Variants in CACNA1E observed in about 807,000 individuals in gnomAD.
CACNA1E encodes the protein calcium voltage-gated channel subunit alpha1 E, also known as voltage-dependent R-type calcium channel subunit alpha-1E.
In CACNA1E, 40 loss-of-function variants were observed where a neutral mutation model predicts 259.2. The ratio of observed to expected loss-of-function variants is 0.15; its 90% CI spans 0.12 to 0.20. The LOEUF (loss-of-function observed/expected upper bound fraction) is 0.20. Among genes scored for constraint, CACNA1E ranks in the 10% least tolerant of loss-of-function variants. The probability of loss-of-function intolerance (pLI) is 1.00; values close to 1 mark genes in which losing one functional copy is unlikely to be tolerated. For missense variants in CACNA1E, 1,874 were observed against 3,040.1 expected (o/e 0.62, Z 9.02); for synonymous variants, 1,104 against 1,138.5 (o/e 0.97, Z 0.61).
chr1:181,483,501 C>T (rs886526815), upstream of CACNA1E: 25 of 210,836 alleles, frequency 1.2e-4, no homozygotes, highest in African/African-American at 3.0e-4. Context: ...TTTCTTTTTT[C>T]TTTTTTTTTT....
chr1:181,695,331 C>T (rs1398343510), intron 7 of CACNA1E, among the ~76,000 whole-genome samples: 1 of 151,892 alleles, frequency 6.6e-6, no homozygotes, highest in Non-Finnish European at 1.5e-5. Context: ...AAATAAAATC[C>T]CCATCAAAAT....
chr1:181,737,101 A>T (rs1656114313), intron 22 of CACNA1E, among the ~76,000 whole-genome samples: 1 of 152,240 alleles, frequency 6.6e-6, no homozygotes. Flanking sequence ...ATGAAAACTC[A>T]TTACTGCTTT....
At chr1:181,610,425 T>C (rs1654647598) in intron 6 of CACNA1E, among the ~76,000 whole-genome samples, 1 of 152,224 alleles carries the variant, frequency 6.6e-6, no homozygotes, top group African/African-American at 2.4e-5. Flanking sequence ...TGTCTTTGTC[T>C]GCAGCACTTT....
intron 14 of CACNA1E, among the ~76,000 whole-genome samples, 154 bp from the exon 15 acceptor site, chr1:181,720,629 G>A (rs905293640): frequency 1.3e-5 from 2 of 152,172 alleles, no homozygotes; most frequent in African/African-American, 4.8e-5. Flanking sequence ...CACTGTTACA[G>A]TCTTTGTAAG....
intron 2 of CACNA1E, among the ~76,000 whole-genome samples, chr1:181,437,069 G>A (rs898590335): frequency 2.0e-5 from 3 of 151,994 alleles, no homozygotes; most frequent in South Asian, 2.1e-4. Context: ...ACCAAGAGCC[G>A]TCAATAACTG....
intron 6 of CACNA1E, among the ~76,000 whole-genome samples, chr1:181,650,519 A>C (rs1008802199): frequency 1.3e-5 from 2 of 152,090 alleles, no homozygotes; most frequent in Non-Finnish European, 2.9e-5. Flanking sequence ...AAGACTGAGA[A>C]CCCTTAGTTG....
intron 3 of CACNA1E, among the ~76,000 whole-genome samples, chr1:181,550,013 C>T (rs1054830283): frequency 2.0e-5 from 3 of 152,106 alleles, no homozygotes. Flanking sequence ...GCCTTGGAAT[C>T]TTGCCATGGT....
At chr1:181,753,435 C>A (rs573420745) in intron 27 of CACNA1E, among the ~76,000 whole-genome samples, 2 of 152,332 alleles carry the variant, frequency 1.3e-5, no homozygotes, top group Admixed American at 6.5e-5. Context: ...GTGCGAGGCT[C>A]AGCTCTAGGA....
rs191213314 is a variant in CACNA1E at position 181,518,927 on chromosome 1, G to T, written c.512+7417G>T. 1.1e-4 allele frequency among the ~76,000 whole-genome samples: 16 copies of T among 152,240 alleles called. No individual in the cohort carries two copies. The East Asian group carries it at 3.1e-3, about 29-fold the overall frequency. On this transcript the variant is annotated intron_variant, in intron 3 of 47. Coordinates refer to ENST00000367573, the MANE Select transcript of CACNA1E (RefSeq NM_001205293.3). ...AGCCAGAGGGAGTGAAGAAAGCTTCGAAATCCCTGGGTGGTTTGGTTTGGG... is the reference window on the plus strand; with the variant it reads ...AGCCAGAGGGAGTGAAGAAAGCTTCTAAATCCCTGGGTGGTTTGGTTTGGG...
intron 32 of CACNA1E, among the ~76,000 whole-genome samples, chr1:181,760,809 T>G (rs181418908): frequency 6.6e-6 from 1 of 152,222 alleles, no homozygotes; most frequent in Admixed American, 6.5e-5. Flanking sequence ...TACACTGCAC[T>G]GTACTATTCT....
chr1:181,629,049 G>A (rs1171147131), intron 6 of CACNA1E, among the ~76,000 whole-genome samples: 1 of 152,204 alleles, frequency 6.6e-6, no homozygotes, highest in African/African-American at 2.4e-5. Context: ...AATCCTAGGA[G>A]TACAGAGAAG....
In CACNA1E at chr1:181,720,202, G is replaced by T. The variant is rs1654296109; in HGVS notation, c.1752-4G>T. 2 of 1,613,850 alleles carry T rather than the reference G, an allele frequency of 1.2e-6. No homozygotes were observed. The highest frequency in any genetic ancestry group is 1.3e-5 in the African/African-American group (1 of 74,932). On this transcript the variant is annotated splice_region_variant and splice_polypyrimidine_tract_variant and intron_variant, in intron 13 of 47. Transcript: ENST00000367573. Reference sequence around the variant, plus strand: ...ACAGCTGTCACATTGTCTGGGTTTTGTAGGTATTGGGCTTCCCTACGGAAT... The same window carrying T: ...ACAGCTGTCACATTGTCTGGGTTTTTTAGGTATTGGGCTTCCCTACGGAAT...
chr1:181,342,336 G>A (rs1225618539), intron 1 of CACNA1E, among the ~76,000 whole-genome samples: 1 of 152,060 alleles, frequency 6.6e-6, no homozygotes, highest in Non-Finnish European at 1.5e-5. Flanking sequence ...TTTAAGCAGA[G>A]GAGTGACAGG....
At position 181,580,733 on chromosome 1, in the gene CACNA1E, T is replaced by C; in HGVS notation, c.908T>C (p.Phe303Ser). The change falls in exon 6 of 48, where the codon TTC (phenylalanine) becomes TCC (serine). Residue 303 changes from phenylalanine to serine, a missense_variant. Coordinates refer to ENST00000367573, the MANE Select transcript of CACNA1E (RefSeq NM_001205293.3). The part of the protein sequence containing the change: ...DNILFAVLTV[F>S]QCITMEGWTT... The stretch of plus-strand genomic sequence containing the variant: ...ATCCTTTTTGCTGTGCTGACTGTCT[T>C]CCAGTGCATCACCATGGAAGGGTGG... The C allele has an allele frequency of 6.2e-7, 1 of 1,614,040 alleles. No individual in the cohort carries two copies. The highest frequency in any genetic ancestry group is 8.5e-7 in the Non-Finnish European group (1 of 1,179,880).
At chr1:181,339,605 T>A (rs1414367142) in intron 1 of CACNA1E, among the ~76,000 whole-genome samples, 1 of 152,134 alleles carries the variant, frequency 6.6e-6, no homozygotes, top group Non-Finnish European at 1.5e-5. Context: ...AGTTTATTCA[T>A]CTACCGACAT....
chr1:181,692,037 C>A (rs570993698), intron 7 of CACNA1E, among the ~76,000 whole-genome samples: 10 of 152,130 alleles, frequency 6.6e-5, no homozygotes, highest in African/African-American at 2.4e-4. Context: ...AAACTGAGAG[C>A]CAAATCAAGA....
rs758129733 is a variant in CACNA1E at position 181,798,657 on chromosome 1, C to T, written c.6765C>T (p.Ala2255=). 8.1e-6 allele frequency: 13 copies of T among 1,610,108 alleles called. No homozygotes were observed. The highest frequency in any genetic ancestry group is 6.7e-5 in the East Asian group (3 of 44,770). The change falls in exon 48 of 48, where the codon GCC becomes GCT. Residue 2255 remains alanine, a synonymous_variant. Coordinates refer to ENST00000367573, the MANE Select transcript of CACNA1E (RefSeq NM_001205293.3). The surrounding 1 kb of genome is among the most constrained non-coding windows in gnomAD (Gnocchi z 4.2). ...GEEETLTFEA[A]VATSLGRSNT... ...AGGAGACGCTCACTTTCGAAGCAGC[C>T]GTGGCTACTAGCCTGGGCCGTTCCA...
chr1:181,746,179 C>T lies in CACNA1E; in HGVS notation c.3720-4297C>T, dbSNP rs77842265. Among the ~76,000 whole-genome samples, 55 of 152,306 alleles carry T rather than the reference C, an allele frequency of 3.6e-4. No homozygotes were observed. In the East Asian group the frequency reaches 3.9e-3, roughly 11 times the overall value. ...AATGGTAGCCGCTAAGCAGTGACAA[C>T]GTCAAAGTGGTAAATTTAAAATTTT... On this transcript the variant is annotated intron_variant, in intron 25 of 47. Coordinates refer to ENST00000367573, the MANE Select transcript of CACNA1E (RefSeq NM_001205293.3).
At chr1:181,778,881 G>A (rs538934423) in intron 38 of CACNA1E, among the ~76,000 whole-genome samples, 4 of 152,304 alleles carry the variant, frequency 2.6e-5, no homozygotes, top group African/African-American at 9.6e-5. Context: ...GAGAAACAAA[G>A]CCCTTTGTGA....
Sources: gnomAD v4.1 joint callset for allele counts (sites outside exome capture counted in the v4.1 genomes callset) on GRCh38, gnomAD v4.1.1 for gene constraint, Gnocchi (gnomAD v3.1) non-coding constraint, MANE v1.5 for transcripts, NCBI Gene and HGNC (gene_info 2026-07-23, HGNC 2026-07-21) for gene names.